The following NOS1 variants were observed in gnomAD, a reference collection of about 807,000 sequenced individuals.
The protein encoded by NOS1 is NOS type I.
In NOS1, 51 loss-of-function variants were observed where a neutral mutation model predicts 164.5. That is an observed-to-expected ratio of 0.31 (90% CI 0.25 to 0.39). The LOEUF is 0.39. Ranked by LOEUF, NOS1 falls within the 10% of genes least tolerant of loss-of-function variation. The pLI is 1.00. For missense variants in NOS1, 1,362 were observed against 1,885.6 expected, an observed-to-expected ratio of 0.72 and a Z score of 5.14; for synonymous variants, 719 against 745.8, an observed-to-expected ratio of 0.96 and a Z score of 0.59.
chr12:117,323,775 TTTTTA>T (rs1341691025), intron 2 of NOS1, among the ~76,000 whole-genome samples: 2 of 152,112 alleles, frequency 1.3e-5, no homozygotes, highest in Non-Finnish European at 2.9e-5. Flanking sequence ...TCCCTTTAAT[TTTTTA>T]TTTTATTTTA....
At chr12:117,280,643 T>C in intron 8 of NOS1, 82 bp downstream of exon 8, 5 of 1,412,794 alleles carry the variant, frequency 3.5e-6, no homozygotes, top group Non-Finnish European at 4.8e-6. Flanking sequence ...CCTGTGATGA[T>C]AGCATTAAGC....
At chr12:117,237,439 A>AT (rs1243548618) in intron 20 of NOS1, among the ~76,000 whole-genome samples, 1 of 151,478 alleles carries the variant, frequency 6.6e-6, no homozygotes, top group African/African-American at 2.4e-5. Flanking sequence ...CCTATTTTTT[A>AT]TTTTTTCTTC....
intron 17 of NOS1, 150 bp downstream of exon 17, chr12:117,253,488 A>AG: frequency 1.5e-6 from 1 of 645,360 alleles, no homozygotes; most frequent in Non-Finnish European, 2.8e-6. Context: ...AATGGGTGGG[A>AG]GGGGTCCCAG....
In NOS1 at chr12:117,280,708, G is replaced by A. The variant is rs762380734; in HGVS notation, c.1524+17C>T. On this transcript the variant is annotated intron_variant, in intron 8 of 28. Transcript: ENST00000317775. The stretch of plus-strand genomic sequence containing the variant: ...GAGCCCATGTTGGGGCAGGGTAGGG[G>A]GCGGAAACGCTCGCACCTCTGTGAA... The A allele has an allele frequency of 6.8e-6, 11 of 1,610,118 alleles. No individual in the cohort carries two copies. In the African/African-American group the frequency reaches 1.3e-4, roughly 20 times the overall value.
At chr12:117,325,171 T>A (rs1566076913) in intron 2 of NOS1, among the ~76,000 whole-genome samples, 1 of 152,086 alleles carries the variant, frequency 6.6e-6, no homozygotes, top group Non-Finnish European at 1.5e-5. Context: ...TCACCCAGCA[T>A]CCAGGATGCC....
rs1484165937 is a variant in NOS1 at position 117,232,019 on chromosome 12, C to T, written c.3348G>A (p.Gln1116=). ...TTPPTPLQLQ[Q]FASLATSEKE... ...TCTCGCTGGTAGCTAGGGAGGCAAA[C>T]TGCTGCAGCTGCAGAGGCGTTGGTG... is the stretch of plus-strand genomic sequence containing the variant. The change falls in exon 22 of 29, where the codon CAG becomes CAA. Residue 1116 remains glutamine, a synonymous_variant. Transcript: ENST00000317775. 1.2e-6 allele frequency: 2 copies of T among 1,612,686 alleles called. No individual in the cohort carries two copies. The highest frequency in any genetic ancestry group is 2.7e-5 in the African/African-American group (2 of 74,894).
In NOS1 at chr12:117,212,743, G is replaced by A. The variant is rs1956547623; in HGVS notation, c.*2566C>T. On this transcript the variant is annotated 3_prime_UTR_variant, in exon 29 of 29. Transcript: ENST00000317775. ...ATTTTGCACTTAAACGGTTGGCTAC[G>A]AGGCCTGGATGAAAAGCCACCACGA... 2 of 985,418 alleles carry A rather than the reference G, an allele frequency of 2.0e-6. No homozygotes were observed. Among genetic ancestry groups the A allele is most frequent in the Non-Finnish European group, 2.4e-6 (2 of 829,942 alleles). 61.0% of individuals were successfully genotyped at this position (985,418 alleles called of 1,614,324 possible).
chr12:117,248,208 T>C (rs1379489007), intron 17 of NOS1, among the ~76,000 whole-genome samples: 1 of 151,704 alleles, frequency 6.6e-6, no homozygotes, highest in African/African-American at 2.4e-5. Flanking sequence ...AATTTATTAT[T>C]ATTATACTTT....
chr12:117,302,012 T>A (rs941433263), intron 3 of NOS1: 34 of 456,616 alleles, frequency 7.4e-5, no homozygotes, highest in Non-Finnish European at 1.5e-4. Context: ...TCTCCAACAC[T>A]TACTGGTTAT....
chr12:117,309,148 A>G (rs1874304791), intron 3 of NOS1, among the ~76,000 whole-genome samples: 1 of 152,172 alleles, frequency 6.6e-6, no homozygotes. Context: ...GCTTTAAACC[A>G]TATTTGTTCA....
At chr12:117,361,184 C>T (rs1012765498) in intron 1 of NOS1, among the ~76,000 whole-genome samples, 1 of 151,988 alleles carries the variant, frequency 6.6e-6, no homozygotes, top group Non-Finnish European at 1.5e-5. Context: ...CCCGCCCGCC[C>T]GCCTCGTACT....
chr12:117,323,696 G>A (rs1440712992), intron 2 of NOS1, among the ~76,000 whole-genome samples: 1 of 152,186 alleles, frequency 6.6e-6, no homozygotes, highest in Non-Finnish European at 1.5e-5. Context: ...CTCTGCCTCC[G>A]ACAACTGAGC....
chr12:117,344,975 G>A (rs186189274), intron 1 of NOS1, among the ~76,000 whole-genome samples: 2 of 151,672 alleles, frequency 1.3e-5, no homozygotes, highest in East Asian at 1.9e-4. Flanking sequence ...AAGATCAAAC[G>A]CGGGCTATTA....
At chr12:117,315,264 C>T (rs1566072798) in intron 2 of NOS1, among the ~76,000 whole-genome samples, 1 of 151,554 alleles carries the variant, frequency 6.6e-6, no homozygotes, top group Non-Finnish European at 1.5e-5. Context: ...AGTGCAGTGG[C>T]GTGATCTTGG....
At chr12:117,219,175 C>A (rs1333566189) in intron 27 of NOS1, among the ~76,000 whole-genome samples, 1 of 152,018 alleles carries the variant, frequency 6.6e-6, no homozygotes, top group Non-Finnish European at 1.5e-5. Flanking sequence ...GACGGGGTTT[C>A]ACCATGTTGG....
Position 117,272,186 on chromosome 12 carries a change from T to C in NOS1, c.1839+199A>G, listed in dbSNP as rs4767526. Among the ~76,000 whole-genome samples, 66,817 of 152,032 alleles carry C rather than the reference T, an allele frequency of 0.44. 14,934 individuals carry two copies. The highest frequency in any genetic ancestry group is 0.52 in the Admixed American group (7,976 of 15,266). On this transcript the variant is annotated intron_variant, in intron 10 of 28. Transcript: ENST00000317775. The surrounding 1 kb of genome is among the most constrained non-coding windows in gnomAD (Gnocchi z 4.3). The stretch of plus-strand genomic sequence containing the variant: ...TGCTGTTAGCACGTGCTATGTGCTA[T>C]GTGCGTGTTTGCTGTTATTTTCATT...
At chr12:117,262,564 A>G (rs535096418) in intron 13 of NOS1, among the ~76,000 whole-genome samples, 2 of 151,570 alleles carry the variant, frequency 1.3e-5, no homozygotes, top group Admixed American at 6.6e-5. Flanking sequence ...CTATTAATGG[A>G]GCCAGGACCT....
chr12:117,227,665 A>G, intron 22 of NOS1, 24 bp from the exon 23 acceptor site: 1 of 1,611,288 alleles, frequency 6.2e-7, no homozygotes, highest in Non-Finnish European at 8.5e-7. Flanking sequence ...ATGGACAGAG[A>G]CAAGCTTGAA....
In NOS1 at chr12:117,280,735, T is replaced by G. The variant is rs983025370; in HGVS notation, c.1514A>C (p.Gln505Pro). The G allele has an allele frequency of 3.7e-6, 6 of 1,613,970 alleles. No individual in the cohort carries two copies. Among genetic ancestry groups the G allele is most frequent in the Non-Finnish European group, 5.1e-6 (6 of 1,179,994 alleles). The part of the protein sequence containing the change: ...GSTLGDPANV[Q>P]FTEICIQQGW... ...CGGAAACGCTCGCACCTCTGTGAAC[T>G]GCACATTGGCTGGGTCCCCCAGGGT... Residue 505 changes from glutamine (Q) to proline (P), a missense_variant, in exon 8 of 29, where the codon CAG becomes CCG. Coordinates refer to ENST00000317775, the MANE Select transcript of NOS1 (RefSeq NM_000620.5).
Sources: gnomAD v4.1 joint callset for allele counts (sites outside exome capture counted in the v4.1 genomes callset) on GRCh38, gnomAD v4.1.1 for gene constraint, Gnocchi (gnomAD v3.1) non-coding constraint, MANE v1.5 for transcripts, NCBI Gene and HGNC (gene_info 2026-07-23, HGNC 2026-07-21) for gene names.